Variants in STX8 observed in about 807,000 individuals in gnomAD.
STX8 encodes the protein syntaxin 8, also known as syntaxin-8.
A neutral mutation model predicts 37.5 loss-of-function variants in STX8; 23 were observed. The ratio of observed to expected loss-of-function variants is 0.61; its 90% CI spans 0.44 to 0.87. The LOEUF (loss-of-function observed/expected upper bound fraction) is 0.87. Ranked by LOEUF, STX8 falls within the 40% of genes least tolerant of loss-of-function variation. STX8 has a pLI of 0.00. For synonymous variants in STX8, 115 were observed against 99.1 expected (o/e 1.16, Z -0.95); for missense variants, 313 against 284.7 (o/e 1.10, Z -0.71).
chr17:9,352,138 C>A lies in STX8; in HGVS notation c.643+26414G>T, dbSNP rs571646388. Among the ~76,000 whole-genome samples the A allele has an allele frequency of 1.2e-3, 167 of 144,250 alleles. 1 individual carries two copies. The highest frequency in any genetic ancestry group is 0.011 in the Middle Eastern group (3 of 282). 94.6% of individuals were successfully genotyped at this position (144,250 alleles called of 152,430 possible). A position where few individuals can be genotyped will look rare whatever the true frequency, so the allele number is the denominator to read the frequency against. On this transcript the variant is annotated intron_variant, in intron 7 of 7. Transcript: ENST00000306357. ...CTGCACTCCAGCCTGGGTGACAGAG[C>A]AAGATCCTGCCTAAAAAAAAAAAAA...
intron 7 of STX8, among the ~76,000 whole-genome samples, chr17:9,340,617 T>A (rs1910316004): frequency 6.6e-6 from 1 of 151,248 alleles, no homozygotes; most frequent in Non-Finnish European, 1.5e-5. Context: ...TTCCAGTGAA[T>A]ATATTGCTGT....
intron 6 of STX8, among the ~76,000 whole-genome samples, chr17:9,396,213 C>CAACCTGTGTGCATAAAA (rs1403509803): frequency 6.6e-6 from 1 of 152,072 alleles, no homozygotes; most frequent in Admixed American, 6.5e-5. Flanking sequence ...TGTTTCTTAG[C>CAACCTGTGTGCATAAAA]AACCTGTGTG....
rs189723060 is a variant in STX8 at position 9,448,709 on chromosome 17, G to A, written c.541+43120C>T. ...ATTAATTGGTTGATGAAAATGCTAT[G>A]AGCTTGAGGGACCCTAACGCTGTAT... On this transcript the variant is annotated intron_variant, in intron 6 of 7. Coordinates refer to ENST00000306357, the MANE Select transcript of STX8 (RefSeq NM_004853.3). 7.0e-4 allele frequency among the ~76,000 whole-genome samples: 107 copies of A among 152,262 alleles called. 1 individual carries two copies. In the South Asian group the frequency reaches 0.011, roughly 15 times the overall value.
intron 6 of STX8, among the ~76,000 whole-genome samples, chr17:9,489,296 AC>A (rs1906744376): frequency 6.6e-6 from 1 of 152,186 alleles, no homozygotes; most frequent in South Asian, 2.1e-4. Context: ...GAAAACAACA[AC>A]AAAAAAGAAA....
chr17:9,265,487 T>C (rs553747992), intron 7 of STX8, among the ~76,000 whole-genome samples: 2 of 152,368 alleles, frequency 1.3e-5, no homozygotes, highest in East Asian at 3.9e-4. Context: ...CCACAGTGCT[T>C]CTAACAAGAG....
chr17:9,372,650 G>A (rs908293087), intron 7 of STX8, among the ~76,000 whole-genome samples: 1 of 151,070 alleles, frequency 6.6e-6, no homozygotes, highest in Admixed American at 6.6e-5. Context: ...GCTAATTTTT[G>A]TATTCTTAGT....
intron 4 of STX8, among the ~76,000 whole-genome samples, chr17:9,525,507 C>T (rs1731181053): frequency 6.6e-6 from 1 of 151,968 alleles, no homozygotes; most frequent in Admixed American, 6.6e-5. Context: ...CCACCACACC[C>T]AGCTAATTTT....
intron 7 of STX8, among the ~76,000 whole-genome samples, chr17:9,297,592 A>AT (rs1425025897): frequency 6.6e-6 from 1 of 152,222 alleles, no homozygotes; most frequent in African/African-American, 2.4e-5. Flanking sequence ...TGTTAGCCGG[A>AT]TGCAGTAGCT....
At chr17:9,307,082 C>A (rs1909023269) in intron 7 of STX8, among the ~76,000 whole-genome samples, 1 of 152,052 alleles carries the variant, frequency 6.6e-6, no homozygotes, top group Non-Finnish European at 1.5e-5. Flanking sequence ...TGAGATCCTG[C>A]CACTGCACTC....
chr17:9,373,355 G>A (rs1458734307), intron 7 of STX8, among the ~76,000 whole-genome samples: 1 of 151,794 alleles, frequency 6.6e-6, no homozygotes, highest in Non-Finnish European at 1.5e-5. Context: ...CCAAAAGGTG[G>A]AACAACCTGT....
chr17:9,517,154 C>T (rs1905180969), intron 4 of STX8, among the ~76,000 whole-genome samples: 1 of 152,140 alleles, frequency 6.6e-6, no homozygotes, highest in South Asian at 2.1e-4. Context: ...CTCTGTCACT[C>T]CTTCACCCCA....
chr17:9,548,135 C>T (rs1310328090), intron 3 of STX8, among the ~76,000 whole-genome samples: 3 of 151,360 alleles, frequency 2.0e-5, no homozygotes, highest in Non-Finnish European at 4.4e-5. Flanking sequence ...GACAGTGTCT[C>T]CCTCTGTCGC....
intron 7 of STX8, among the ~76,000 whole-genome samples, chr17:9,251,417 C>T (rs1323152234): frequency 4.6e-5 from 7 of 152,214 alleles, no homozygotes; most frequent in Non-Finnish European, 1.0e-4. Flanking sequence ...GTGTTTACCA[C>T]GTGCCAGGTA....
intron 6 of STX8, among the ~76,000 whole-genome samples, chr17:9,451,400 T>C (rs550051672): frequency 6.6e-6 from 1 of 152,324 alleles, no homozygotes; most frequent in African/African-American, 2.4e-5. Flanking sequence ...CCACGTTTAA[T>C]GTAACTTTCC....
chr17:9,341,102 T>C lies in STX8; in HGVS notation c.643+37450A>G, dbSNP rs1028379604. Among the ~76,000 whole-genome samples the C allele has an allele frequency of 8.6e-5, 13 of 151,334 alleles. No individual in the cohort carries two copies. The East Asian group carries it at 1.5e-3, about 18-fold the overall frequency. Reference sequence around the variant, plus strand: ...TCTCTAGTAGATACCACCTTTAAAGTATCATGTGGAAAGTCGAAATTAAGC... The same window carrying C: ...TCTCTAGTAGATACCACCTTTAAAGCATCATGTGGAAAGTCGAAATTAAGC... On this transcript the variant is annotated intron_variant, in intron 7 of 7. Coordinates refer to ENST00000306357, the MANE Select transcript of STX8 (RefSeq NM_004853.3).
intron 6 of STX8, among the ~76,000 whole-genome samples, chr17:9,475,049 A>G (rs550774856): frequency 2.0e-5 from 3 of 152,306 alleles, no homozygotes; most frequent in East Asian, 1.9e-4. Context: ...AATGATTTCT[A>G]TAGATACTAT....
chr17:9,290,967 T>C (rs1597586984), intron 7 of STX8, among the ~76,000 whole-genome samples: 1 of 152,282 alleles, frequency 6.6e-6, no homozygotes, highest in Non-Finnish European at 1.5e-5. Context: ...AAAGGGAATG[T>C]TGCATAGCCA....
chr17:9,511,910 A>T (rs1905029695), intron 4 of STX8, among the ~76,000 whole-genome samples: 2 of 152,204 alleles, frequency 1.3e-5, no homozygotes, highest in South Asian at 4.1e-4. Flanking sequence ...TACAAAATCA[A>T]CATACAAAAA....
intron 7 of STX8, among the ~76,000 whole-genome samples, chr17:9,280,159 G>T (rs1907831923): frequency 6.6e-6 from 1 of 152,182 alleles, no homozygotes; most frequent in Non-Finnish European, 1.5e-5. Context: ...GGTCAAGGCA[G>T]CAGTGAGCTG....
Sources: gnomAD v4.1 joint callset for allele counts (sites outside exome capture counted in the v4.1 genomes callset) on GRCh38, gnomAD v4.1.1 for gene constraint, MANE v1.5 for transcripts, NCBI Gene and HGNC (gene_info 2026-07-23, HGNC 2026-07-21) for gene names.